KMT2B: variants seen among roughly 807,000 people sequenced by gnomAD.
KMT2B encodes histone-lysine N-methyltransferase 2B.
In KMT2B, 22 loss-of-function variants were observed where a neutral mutation model predicts 255.3. That is an observed-to-expected ratio of 0.09 (90% CI 0.06 to 0.12). The LOEUF (loss-of-function observed/expected upper bound fraction) is 0.12. Ranked by LOEUF, KMT2B falls within the 10% of genes least tolerant of loss-of-function variation. The probability of loss-of-function intolerance (pLI) is 1.00; values close to 1 mark genes in which losing one functional copy is unlikely to be tolerated. For synonymous variants in KMT2B, 1,730 were observed against 1,498.1 expected (o/e 1.15, Z -3.57); for missense variants, 3,149 against 3,737.0 (o/e 0.84, Z 4.10).
At chr19:35,729,368 C>G in intron 22 of KMT2B, 72 bp downstream of exon 22, 1 of 1,518,738 alleles carries the variant, frequency 6.6e-7, no homozygotes, top group African/African-American at 1.4e-5. Flanking sequence ...GCAAACAGCT[C>G]TTACTTCACA....
At position 35,724,737 on chromosome 19, in the gene KMT2B, C is replaced by T. The variant is rs1405372128; in HGVS notation, c.3429+6C>T. On this transcript the variant is annotated splice_donor_region_variant and intron_variant, in intron 9 of 36. Coordinates refer to ENST00000420124, the MANE Select transcript of KMT2B (RefSeq NM_014727.3). ...CCCGAAGGCGCCTGGACAAGGTCAG[C>T]ACGGCCCGCTCCGAGAGCCCCTTCC... 1 of 1,576,650 alleles carries T rather than the reference C, an allele frequency of 6.3e-7. No homozygotes were observed. Among genetic ancestry groups the T allele is most frequent in the African/African-American group, 1.3e-5 (1 of 74,224 alleles).
In KMT2B at chr19:35,722,429, G is replaced by A. The variant is rs765533021; in HGVS notation, c.2528G>A (p.Arg843Gln). ...VKQISDRGPV[R>Q]SEDESVEAKR... The stretch of plus-strand genomic sequence containing the variant: ...CAGATCTCCGACAGAGGCCCTGTCC[G>A]GTCTGAAGATGAGTCGGTGGAAGCT... The change falls in exon 4 of 37, where the codon CGG becomes CAG. Residue 843 changes from arginine (R) to glutamine (Q), a missense_variant. Transcript: ENST00000420124. The A allele has an allele frequency of 6.8e-6, 11 of 1,610,358 alleles. No individual in the cohort carries two copies. Among genetic ancestry groups the A allele is most frequent in the East Asian group, 2.2e-5 (1 of 44,886 alleles).
At position 35,721,031 on chromosome 19, in the gene KMT2B, G is replaced by A; in HGVS notation, c.1684G>A (p.Val562Ile). 6.2e-7 allele frequency: 1 copy of A among 1,606,986 alleles called. No individual in the cohort carries two copies. The highest frequency in any genetic ancestry group is 8.5e-7 in the Non-Finnish European group (1 of 1,177,862). Residue 562 changes from valine to isoleucine, a missense_variant, in exon 3 of 37, where the codon GTC (valine) becomes ATC (isoleucine). Physicochemically the swap from Val to Ile is conservative, Grantham distance 29. Around this residue, in one of 18 missense-constraint regions of KMT2B, gnomAD observed 1,188 missense variants for 1,106.4 expected, o/e 1.07. Transcript: ENST00000420124. ...ACCCCCAAAGGTGGAGGTCTCACCT[G>A]TCCTGCGACCTCCCATTACCACCTC... ...PKPPKVEVSP[V>I]LRPPITTSPP...
chr19:35,736,527 G>A (rs1969923124), intron 30 of KMT2B, 163 bp from the exon 31 acceptor site: 2 of 776,406 alleles, frequency 2.6e-6, no homozygotes, highest in African/African-American at 3.5e-5. Flanking sequence ...CCATTCTGCA[G>A]GGCTCACTGG....
rs1568371719 is a variant in KMT2B, at chr19:35,723,404, C to CCACCAGGGT, written c.3003-37_3003-36insGGTCACCAG. The CCACCAGGGT allele has an allele frequency of 6.5e-7, 1 of 1,540,868 alleles. No individual in the cohort carries two copies. The highest frequency in any genetic ancestry group is 1.2e-5 in the South Asian group (1 of 82,942). ...GGAGAGCTTCCTCTCTTCCCCCAGA[C>CCACCAGGGT]CACCAGTCCCCTACCCTGGTGACGT... On this transcript the variant is annotated intron_variant, in intron 6 of 36. Transcript: ENST00000420124. The surrounding 1 kb of genome is among the most constrained non-coding windows in gnomAD (Gnocchi z 7.5).
Position 35,723,641 on chromosome 19 carries a change from T to A in KMT2B, c.3059-91T>A. On this transcript the variant is annotated intron_variant, in intron 7 of 36. Coordinates refer to ENST00000420124, the MANE Select transcript of KMT2B (RefSeq NM_014727.3). This position sits in a 1 kb window ranked among gnomAD's most constrained non-coding sequence, Gnocchi z 7.5. ...TTGTGTGCTTTCATAGCTCCTGCGT[T>A]CATTCCCTGCCCCGCTTCTTTCTGG... is the stretch of plus-strand genomic sequence containing the variant. 1.5e-6 allele frequency: 2 copies of A among 1,329,928 alleles called. No individual in the cohort carries two copies. The highest frequency in any genetic ancestry group is 2.0e-6 in the Non-Finnish European group (2 of 977,794). The allele number at this position is 1,329,928 out of a possible 1,614,324, so 82.4% of individuals were successfully genotyped here.
rs751245473 is a variant in KMT2B at position 35,721,706 on chromosome 19, G to A, written c.2359G>A (p.Gly787Arg). The A allele has an allele frequency of 3.7e-6, 6 of 1,610,436 alleles. No individual in the cohort carries two copies. Reference protein sequence around the residue: ...IAGVGSLPLSGVEEKMFSLLK... With the variant: ...IAGVGSLPLSRVEEKMFSLLK... ...GGGCGTGGGTTCCTTGCCGCTGTCT[G>A]GGGTAGAGGAGAAGATGTTCAGCCT... Residue 787 changes from glycine (G) to arginine (R), a missense_variant, in exon 3 of 37, where the codon GGG (glycine) becomes AGG (arginine). Physicochemically the swap from Gly to Arg is moderately radical, Grantham distance 125. Around this residue, in one of 18 missense-constraint regions of KMT2B, gnomAD observed 1,188 missense variants for 1,106.4 expected, o/e 1.07. Transcript: ENST00000420124.
At chr19:35,728,492 G>T (rs977744560) in intron 19 of KMT2B, among the ~76,000 whole-genome samples, 3 of 72 alleles carry the variant, frequency 0.042, no homozygotes, top group African/African-American at 0.071. Context: ...GGGGCGGTGG[G>T]GGCCCGGAGG....
At chr19:35,728,742 G>A in intron 19 of KMT2B, 32 bp from the exon 20 acceptor site, 1 of 1,574,434 alleles carries the variant, frequency 6.4e-7, no homozygotes, top group Non-Finnish European at 8.7e-7. Context: ...CCCTTGTTGG[G>A]CACATCAGCT....
At chr19:35,724,124 A>T in intron 8 of KMT2B, 117 bp downstream of exon 8, 1 of 993,608 alleles carries the variant, frequency 1.0e-6, no homozygotes. Flanking sequence ...AAGGTGGCTG[A>T]GGGCGGAGGA....
rs1243827516 is a variant in KMT2B, at chr19:35,737,526, A to G, written c.7551-110A>G. 2.3e-6 allele frequency: 2 copies of G among 854,850 alleles called. No homozygotes were observed. Among genetic ancestry groups the G allele is most frequent in the Non-Finnish European group, 1.8e-6 (1 of 561,172 alleles). 53.0% of individuals were successfully genotyped at this position (854,850 alleles called of 1,614,324 possible). A position where few individuals can be genotyped will look rare whatever the true frequency, so the allele number is the denominator to read the frequency against. ...GCAAAACCCCATCTCTAAAATAAAAATTTAAAAAAGTTATTTCTAGAGCTG... is the reference window on the plus strand; with the variant it reads ...GCAAAACCCCATCTCTAAAATAAAAGTTTAAAAAAGTTATTTCTAGAGCTG... On this transcript the variant is annotated intron_variant, in intron 33 of 36. Coordinates refer to ENST00000420124, the MANE Select transcript of KMT2B (RefSeq NM_014727.3). The surrounding 1 kb of genome is among the most constrained non-coding windows in gnomAD (Gnocchi z 5.3).
intron 5 of KMT2B, 45 bp from the exon 6 acceptor site, chr19:35,722,950 G>C (rs766833569): frequency 6.7e-7 from 1 of 1,492,438 alleles, no homozygotes. Context: ...GTAGAAGCCT[G>C]GTGGCTTTGT....
chr19:35,733,283 T>C lies in KMT2B; in HGVS notation c.6734T>C (p.Val2245Ala). 7.3e-7 allele frequency: 1 copy of C among 1,369,080 alleles called. No individual in the cohort carries two copies. The highest frequency in any genetic ancestry group is 9.8e-7 in the Non-Finnish European group (1 of 1,018,102). The allele number at this position is 1,369,080 out of a possible 1,614,324, so 84.8% of individuals were successfully genotyped here. Residue 2245 changes from valine (V) to alanine (A), a missense_variant, in exon 28 of 37, where the codon GTG (valine) becomes GCG (alanine). By Grantham distance (64) the Val-to-Ala change is moderately conservative. This residue lies in a region of KMT2B where 897 missense variants were observed against 825.3 expected (regional missense o/e 1.09). Transcript: ENST00000420124. The surrounding 1 kb of genome is among the most constrained non-coding windows in gnomAD (Gnocchi z 4.3). ...PPGPLLGVLPVVGVVRPAPPP... is the reference protein window; with the variant it reads ...PPGPLLGVLPAVGVVRPAPPP... ...GGCCCCCTCCTCGGCGTGCTGCCCG[T>C]GGTCGGAGTGGTCCGCCCTGCCCCG...
chr19:35,729,112 C>A, intron 21 of KMT2B, 36 bp downstream of exon 21: 1 of 1,613,956 alleles, frequency 6.2e-7, no homozygotes, highest in Non-Finnish European at 8.5e-7. Flanking sequence ...GGTTGTGGGG[C>A]CTGTTCCCTG....
At position 35,725,774 on chromosome 19, in the gene KMT2B, G is replaced by A; in HGVS notation, c.3841G>A (p.Gly1281Arg). The change falls in exon 13 of 37, where the codon GGG (glycine) becomes AGG (arginine). Residue 1281 changes from glycine (G) to arginine (R), a missense_variant. Gly to Arg is a moderately radical substitution (Grantham distance 125, BLOSUM62 -2). Transcript: ENST00000420124. This position sits in a 1 kb window ranked among gnomAD's most constrained non-coding sequence, Gnocchi z 4.1. Reference protein sequence around the residue: ...CRHAYHPACLGPSYPTRATRK... With the variant: ...CRHAYHPACLRPSYPTRATRK... The stretch of plus-strand genomic sequence containing the variant: ...CCATGCATACCACCCGGCCTGTCTG[G>A]GGCCCAGCTATCCAACCCGGGCCAC... The A allele has an allele frequency of 6.3e-7, 1 of 1,599,348 alleles. No homozygotes were observed. Among genetic ancestry groups the A allele is most frequent in the Non-Finnish European group, 8.5e-7 (1 of 1,173,416 alleles).
Position 35,718,313 on chromosome 19 carries a change from C to CGGGGCT in KMT2B, c.301_306dup (p.Trp101_Gly102dup), listed in dbSNP as rs1969036696. 2 of 1,241,600 alleles carry CGGGGCT rather than the reference C, an allele frequency of 1.6e-6. No homozygotes were observed. The highest frequency in any genetic ancestry group is 2.0e-6 in the Non-Finnish European group (2 of 984,966). 76.9% of individuals were successfully genotyped at this position (1,241,600 alleles called of 1,614,324 possible). On this transcript the variant is annotated inframe_insertion, in exon 1 of 37. Coordinates refer to ENST00000420124, the MANE Select transcript of KMT2B (RefSeq NM_014727.3). The surrounding 1 kb of genome is among the most constrained non-coding windows in gnomAD (Gnocchi z 5.0). Reference sequence around the variant, plus strand: ...GCGGGGCCGGGGACGGGGTCGGGGCCGGGGCTGGGGCCCGAGTCGAGGCTG... The same window carrying CGGGGCT: ...GCGGGGCCGGGGACGGGGTCGGGGCCGGGGCTGGGGCTGGGGCCCGAGTCGAGGCTG...
intron 8 of KMT2B, 66 bp downstream of exon 8, chr19:35,724,073 G>C: frequency 1.4e-6 from 2 of 1,444,478 alleles, no homozygotes; most frequent in Non-Finnish European, 1.9e-6. Context: ...GTGTAGGAGG[G>C]ACAAGGCACC....
At chr19:35,728,961 C>A (rs756643011) in intron 20 of KMT2B, 24 bp from the exon 21 acceptor site, 4 of 1,613,400 alleles carry the variant, frequency 2.5e-6, no homozygotes, top group Non-Finnish European at 2.5e-6. Context: ...GATTCTTAGA[C>A]CTCCCTTCAC....
Position 35,730,332 on chromosome 19 carries a change from C to G in KMT2B, c.5077-10C>G, listed in dbSNP as rs1300012718. On this transcript the variant is annotated splice_polypyrimidine_tract_variant and intron_variant, in intron 23 of 36. Transcript: ENST00000420124. Reference sequence around the variant, plus strand: ...ATGCAGCCACCTCACTTTGCCACCCCCTCTTCCAGGAAATTGTGAACCCCG... The same window carrying G: ...ATGCAGCCACCTCACTTTGCCACCCGCTCTTCCAGGAAATTGTGAACCCCG... 1 of 1,609,814 alleles carries G rather than the reference C, an allele frequency of 6.2e-7. No homozygotes were observed. Among genetic ancestry groups the G allele is most frequent in the Non-Finnish European group, 8.5e-7 (1 of 1,176,318 alleles).
Sources: allele counts gnomAD v4.1 joint callset (sites outside exome capture counted in the v4.1 genomes callset), GRCh38; gene constraint gnomAD v4.1.1; regional missense constraint gnomAD v4.1.1; non-coding constraint Gnocchi (gnomAD v3.1); transcripts MANE v1.5; gene names NCBI Gene and HGNC (gene_info 2026-07-23, HGNC 2026-07-21).